DST: variants seen among roughly 807,000 people sequenced by gnomAD.
The protein encoded by DST is dystonin, also known as bullous pemphigoid antigen.
Under a neutral mutation model 875.2 loss-of-function variants are expected in DST, and 253 were observed. That is an observed-to-expected ratio of 0.29 (90% CI 0.26 to 0.32). The LOEUF (loss-of-function observed/expected upper bound fraction) is 0.32. DST is among the 10% of genes least tolerant of loss of function. The pLI, the probability that DST is intolerant of heterozygous loss-of-function variation, is 1.00. For synonymous variants in DST, 3,124 were observed against 3,197.1 expected, an observed-to-expected ratio of 0.98 and a Z score of 0.77; for missense variants, 8,287 against 9,111.6, an observed-to-expected ratio of 0.91 and a Z score of 3.68.
chr6:56,762,844 C>CTTT (rs869153143), intron 4 of DST, among the ~76,000 whole-genome samples: 32 of 111,882 alleles, frequency 2.9e-4, no homozygotes, highest in Non-Finnish European at 4.1e-4. Flanking sequence ...AGAACACCAC[C>CTTT]TTTTTTTTTT....
chr6:56,586,796 A>C (rs1314514231), intron 49 of DST, among the ~76,000 whole-genome samples: 1 of 152,184 alleles, frequency 6.6e-6, no homozygotes, highest in Non-Finnish European at 1.5e-5. Flanking sequence ...TACCCAGGCA[A>C]ACAGGGTCTG....
chr6:56,614,288 A>T, intron 37 of DST, 68 bp downstream of exon 37: 2 of 1,392,558 alleles, frequency 1.4e-6, no homozygotes. Flanking sequence ...TGTGCTAGGT[A>T]AACTGTGTCA....
In DST at chr6:56,617,844, G is replaced by C; in HGVS notation, c.4930-3360C>G. On this transcript the variant is annotated intron_variant, in intron 36 of 103. Transcript: ENST00000680361. ...AGATTCAAGTAAGTTACCAGAAAGA[G>C]TATAGCATTATTTTCCTGTCAGAAC... 4 of 713,486 alleles carry C rather than the reference G, an allele frequency of 5.6e-6. No individual in the cohort carries two copies. In the South Asian group the frequency reaches 6.7e-5, roughly 12 times the overall value. 44.2% of individuals were successfully genotyped at this position (713,486 alleles called of 1,614,324 possible). A position where few individuals can be genotyped will look rare whatever the true frequency, so the allele number is the denominator to read the frequency against.
chr6:56,695,450 A>T (rs2099258422), intron 9 of DST, among the ~76,000 whole-genome samples: 1 of 152,158 alleles, frequency 6.6e-6, no homozygotes, highest in Non-Finnish European at 1.5e-5. Context: ...GGCCATATAC[A>T]CTGCTACCTC....
intron 4 of DST, among the ~76,000 whole-genome samples, chr6:56,786,668 G>A (rs1280002245): frequency 6.6e-6 from 1 of 152,142 alleles, no homozygotes; most frequent in Non-Finnish European, 1.5e-5. Flanking sequence ...AAGTAGCTGG[G>A]ATTATAGGCA....
chr6:56,584,913 T>C (rs896456207), intron 49 of DST, among the ~76,000 whole-genome samples: 1 of 152,154 alleles, frequency 6.6e-6, no homozygotes, highest in Non-Finnish European at 1.5e-5. Flanking sequence ...TTTGTGTATA[T>C]TGAACCAGCC....
At chr6:56,661,796 C>T (rs1200666942) in intron 10 of DST, among the ~76,000 whole-genome samples, 1 of 152,154 alleles carries the variant, frequency 6.6e-6, no homozygotes, top group Non-Finnish European at 1.5e-5. Flanking sequence ...CCATGTTGGC[C>T]AGGATGGTCT....
intron 9 of DST, among the ~76,000 whole-genome samples, chr6:56,695,925 A>G (rs1171531739): frequency 6.6e-6 from 1 of 152,254 alleles, no homozygotes; most frequent in Non-Finnish European, 1.5e-5. Context: ...ATAAATCTTT[A>G]TATCTTGGCA....
chr6:56,807,294 G>A (rs2099754227), intron 4 of DST, among the ~76,000 whole-genome samples: 1 of 152,152 alleles, frequency 6.6e-6, no homozygotes, highest in South Asian at 2.1e-4. Flanking sequence ...CCAAAGTGTT[G>A]TGATTACAGG....
At chr6:56,898,369 T>A (rs193106621) in intron 3 of DST, among the ~76,000 whole-genome samples, 1 of 152,334 alleles carries the variant, frequency 6.6e-6, no homozygotes, top group East Asian at 1.9e-4. Context: ...CACAGAGGCA[T>A]AAAGACTATG....
intron 61 of DST, among the ~76,000 whole-genome samples, chr6:56,539,994 G>A (rs1050624271): frequency 6.6e-6 from 1 of 152,096 alleles, no homozygotes; most frequent in Non-Finnish European, 1.5e-5. Flanking sequence ...TATTCACAGT[G>A]GAGGCCTTCT....
intron 69 of DST, among the ~76,000 whole-genome samples, chr6:56,525,243 T>C (rs930681280): frequency 6.6e-6 from 1 of 152,136 alleles, no homozygotes; most frequent in African/African-American, 2.4e-5. Flanking sequence ...GTGAAAAAAA[T>C]ATATTTTTCA....
chr6:56,717,996 T>C (rs2099400981), intron 5 of DST, among the ~76,000 whole-genome samples: 1 of 152,130 alleles, frequency 6.6e-6, no homozygotes, highest in African/African-American at 2.4e-5. Context: ...GGGCAGTTGG[T>C]TACACTCAGG....
At chr6:56,811,517 T>C (rs2099759917) in intron 4 of DST, among the ~76,000 whole-genome samples, 2 of 152,194 alleles carry the variant, frequency 1.3e-5, no homozygotes, top group African/African-American at 2.4e-5. Flanking sequence ...TAAGCCCATT[T>C]AAAAAGAAAC....
chr6:56,842,714 T>C (rs2099801782), intron 4 of DST, among the ~76,000 whole-genome samples: 1 of 152,104 alleles, frequency 6.6e-6, no homozygotes, highest in African/African-American at 2.4e-5. Context: ...AGTAATCCCA[T>C]AGAGAATAAT....
chr6:56,506,420 C>T, intron 77 of DST, 23 bp downstream of exon 77: 1 of 1,582,702 alleles, frequency 6.3e-7, no homozygotes, highest in Non-Finnish European at 8.6e-7. Flanking sequence ...CTAAGACCAG[C>T]ACATACACTG....
intron 2 of DST, among the ~76,000 whole-genome samples, chr6:56,939,853 T>C (rs1815398560): frequency 6.6e-6 from 1 of 151,792 alleles, no homozygotes. Flanking sequence ...GATGAAACCC[T>C]GTCTCTACTA....
intron 9 of DST, among the ~76,000 whole-genome samples, chr6:56,678,892 GT>G (rs1056842526): frequency 1.3e-5 from 2 of 152,180 alleles, no homozygotes; most frequent in African/African-American, 2.4e-5. Context: ...GAGACTCAAA[GT>G]TTTTTTCTTT....
intron 5 of DST, among the ~76,000 whole-genome samples, chr6:56,725,999 A>G (rs966774517): frequency 1.3e-5 from 2 of 152,214 alleles, no homozygotes; most frequent in Non-Finnish European, 2.9e-5. Flanking sequence ...CAGCATCAGA[A>G]TATATTAACA....
Sources: allele counts gnomAD v4.1 joint callset (sites outside exome capture counted in the v4.1 genomes callset), GRCh38; gene constraint gnomAD v4.1.1; transcripts MANE v1.5; gene names NCBI Gene and HGNC (gene_info 2026-07-23, HGNC 2026-07-21).